The following GPC5 variants were observed in gnomAD, a reference collection of about 807,000 sequenced individuals.
GPC5 encodes glypican 5.
A neutral mutation model predicts 53.9 loss-of-function variants in GPC5; 47 were observed. The observed-to-expected ratio is 0.87, with a 90% confidence interval of 0.69 to 1.11. GPC5 has a LOEUF of 1.11. Among genes scored for constraint, GPC5 ranks in the 50% most tolerant of loss-of-function variants. The probability of loss-of-function intolerance (pLI) is 0.00; values close to 1 mark genes in which losing one functional copy is unlikely to be tolerated. For synonymous variants in GPC5, 286 were observed against 263.3 expected (o/e 1.09, Z -0.84); for missense variants, 748 against 713.1 (o/e 1.05, Z -0.56).
chr13:91,746,992 G>A (rs1020981661), intron 4 of GPC5, among the ~76,000 whole-genome samples: 1 of 152,088 alleles, frequency 6.6e-6, no homozygotes, highest in African/African-American at 2.4e-5. Flanking sequence ...TTAGCTGCTT[G>A]TTAGTTTGCA....
intron 2 of GPC5, among the ~76,000 whole-genome samples, chr13:91,629,655 T>C (rs2034104970): frequency 6.6e-6 from 1 of 152,052 alleles, no homozygotes; most frequent in African/African-American, 2.4e-5. Flanking sequence ...AAAATATGTA[T>C]ATATTTTTTT....
At chr13:92,536,701 T>C (rs1881735056) in intron 7 of GPC5, among the ~76,000 whole-genome samples, 1 of 152,244 alleles carries the variant, frequency 6.6e-6, no homozygotes, top group South Asian at 2.1e-4. Flanking sequence ...AAATATAGCC[T>C]TGAGTAACCA....
intron 2 of GPC5, among the ~76,000 whole-genome samples, chr13:91,511,044 T>C (rs187182924): frequency 6.6e-6 from 1 of 152,296 alleles, no homozygotes. Flanking sequence ...GTATGATCCT[T>C]TCTAGGCTAT....
At chr13:92,019,754 T>C (rs950429947) in intron 6 of GPC5, among the ~76,000 whole-genome samples, 5 of 152,036 alleles carry the variant, frequency 3.3e-5, no homozygotes, top group African/African-American at 1.2e-4. Context: ...GGGACATTCC[T>C]TGGACTCTAA....
chr13:92,518,512 A>T (rs1271747774), intron 7 of GPC5, among the ~76,000 whole-genome samples: 5 of 152,212 alleles, frequency 3.3e-5, no homozygotes, highest in African/African-American at 1.2e-4. Context: ...CCAGAATTTC[A>T]TATCCAGCCA....
chr13:92,133,144 A>T (rs1285893555), intron 6 of GPC5, among the ~76,000 whole-genome samples: 1 of 152,192 alleles, frequency 6.6e-6, no homozygotes, highest in Non-Finnish European at 1.5e-5. Flanking sequence ...AAGGTTTCAA[A>T]TGGCACCCAT....
chr13:92,131,166 A>G (rs2041740043), intron 6 of GPC5, among the ~76,000 whole-genome samples: 1 of 151,982 alleles, frequency 6.6e-6, no homozygotes, highest in African/African-American at 2.4e-5. Context: ...ACCCAAAATT[A>G]AAATGACCGA....
intron 2 of GPC5, among the ~76,000 whole-genome samples, chr13:91,497,339 TA>T (rs1283540434): frequency 6.6e-6 from 1 of 152,118 alleles, no homozygotes; most frequent in African/African-American, 2.4e-5. Context: ...AATTTTCTAC[TA>T]AAAAGGAAAA....
At chr13:92,826,900 G>A (rs1021225251) in intron 7 of GPC5, among the ~76,000 whole-genome samples, 30 of 151,932 alleles carry the variant, frequency 2.0e-4, no homozygotes, top group Non-Finnish European at 3.5e-4. Context: ...TTTCATTGCC[G>A]TTCTGCAGGA....
At chr13:92,297,471 G>A (rs1594080007) in intron 7 of GPC5, among the ~76,000 whole-genome samples, 1 of 139,782 alleles carries the variant, frequency 7.2e-6, no homozygotes, top group African/African-American at 2.7e-5. Context: ...ACACCAATCG[G>A]CACTCTGTAT....
chr13:92,018,199 T>TTA (rs1331653235), intron 6 of GPC5, among the ~76,000 whole-genome samples: 1 of 152,188 alleles, frequency 6.6e-6, no homozygotes, highest in Non-Finnish European at 1.5e-5. Context: ...TAGGCATTTA[T>TTA]TTTTTACAAT....
Position 92,866,388 on chromosome 13 carries a change from T to C in GPC5, c.1668T>C (p.Ser556=), listed in dbSNP as rs1309077054. 1 of 1,612,394 alleles carries C rather than the reference T, an allele frequency of 6.2e-7. No individual in the cohort carries two copies. The highest frequency in any genetic ancestry group is 2.2e-5 in the East Asian group (1 of 44,800). ...TGAGCAVATE[S]MTFTLISVVM... is the part of the protein sequence containing the mutation. The stretch of plus-strand genomic sequence containing the variant: ...CAGGATGTGCAGTGGCGACTGAATC[T>C]ATGACATTCACTCTGATAAGTGTGG... Residue 556 remains serine, a synonymous_variant, in exon 8 of 8, where the codon TCT becomes TCC. Transcript: ENST00000377067.
intron 2 of GPC5, among the ~76,000 whole-genome samples, chr13:91,673,244 A>C (rs2035292910): frequency 6.6e-6 from 1 of 152,132 alleles, no homozygotes; most frequent in African/African-American, 2.4e-5. Flanking sequence ...CAACAACAAC[A>C]ACAAAACCAT....
chr13:92,322,860 C>T (rs1012560690), intron 7 of GPC5, among the ~76,000 whole-genome samples: 1 of 151,898 alleles, frequency 6.6e-6, no homozygotes, highest in African/African-American at 2.4e-5. Flanking sequence ...CAAGAAAAGG[C>T]CCTTGAACTA....
chr13:92,278,281 G>A (rs184547750), intron 7 of GPC5, among the ~76,000 whole-genome samples: 1 of 151,788 alleles, frequency 6.6e-6, no homozygotes, highest in Non-Finnish European at 1.5e-5. Context: ...AGCAGTAATT[G>A]CCAACTTAAA....
intron 1 of GPC5, among the ~76,000 whole-genome samples, chr13:91,428,745 G>C (rs756163659): frequency 6.8e-6 from 1 of 147,980 alleles, no homozygotes; most frequent in African/African-American, 2.5e-5. Flanking sequence ...TTTTTTTTTT[G>C]TTAATGTGAA....
At chr13:92,645,849 A>G (rs558396741) in intron 7 of GPC5, among the ~76,000 whole-genome samples, 1 of 140,728 alleles carries the variant, frequency 7.1e-6, no homozygotes, top group Non-Finnish European at 1.6e-5. Context: ...CAAATATTTT[A>G]CCTAATTTTT....
intron 7 of GPC5, among the ~76,000 whole-genome samples, chr13:92,208,224 G>T (rs1230243313): frequency 1.3e-5 from 2 of 152,170 alleles, no homozygotes; most frequent in African/African-American, 2.4e-5. Context: ...TCTTCCGATG[G>T]CATTGGCATA....
At chr13:92,368,592 G>A (rs549340519) in intron 7 of GPC5, among the ~76,000 whole-genome samples, 52 of 124,398 alleles carry the variant, frequency 4.2e-4, no homozygotes, top group African/African-American at 1.5e-3. Flanking sequence ...AGCCAAGATC[G>A]CACCACTACA....
Sources: allele counts gnomAD v4.1 joint callset (sites outside exome capture counted in the v4.1 genomes callset), GRCh38; gene constraint gnomAD v4.1.1; transcripts MANE v1.5; gene names NCBI Gene and HGNC (gene_info 2026-07-23, HGNC 2026-07-21).